CAPRIN1: variants seen among roughly 807,000 people sequenced by gnomAD.
CAPRIN1 encodes the protein caprin-1.
A neutral mutation model predicts 100.9 loss-of-function variants in CAPRIN1; 29 were observed. The ratio of observed to expected loss-of-function variants is 0.29; its 90% CI spans 0.21 to 0.39. The LOEUF is 0.39. Ranked by LOEUF, CAPRIN1 falls within the 10% of genes least tolerant of loss-of-function variation. CAPRIN1 has a pLI of 1.00. For synonymous variants in CAPRIN1, 338 were observed against 307.5 expected (o/e 1.10, Z -1.04); for missense variants, 795 against 876.7 (o/e 0.91, Z 1.18).
chr11:34,058,484 G>A lies in CAPRIN1; in HGVS notation c.216+5848G>A, dbSNP rs543148969. Among the ~76,000 whole-genome samples the A allele has an allele frequency of 9.8e-5, 15 of 152,288 alleles. 1 individual carries two copies. In the South Asian group the frequency reaches 2.1e-3, roughly 21 times the overall value. ...GTAATTAGAATTTGTAATGTTCCACGGCCTAAGTGTAGTTTTCATGTTTAA... is the reference window on the plus strand; with the variant it reads ...GTAATTAGAATTTGTAATGTTCCACAGCCTAAGTGTAGTTTTCATGTTTAA... On this transcript the variant is annotated intron_variant, in intron 2 of 18. Transcript: ENST00000341394.
intron 2 of CAPRIN1, among the ~76,000 whole-genome samples, chr11:34,057,820 G>T (rs111477070): frequency 0.1 from 15,549 of 152,098 alleles, 858 homozygotes; most frequent in African/African-American, 0.15. Flanking sequence ...CCAGGTTCAA[G>T]CTATTCTCCT....
At chr11:34,062,187 G>A (rs1041781900) in intron 2 of CAPRIN1, among the ~76,000 whole-genome samples, 1 of 152,068 alleles carries the variant, frequency 6.6e-6, no homozygotes, top group African/African-American at 2.4e-5. Flanking sequence ...GATTTCACTA[G>A]CTAACAATAC....
intron 15 of CAPRIN1, among the ~76,000 whole-genome samples, chr11:34,094,768 A>AC (rs1283920811): frequency 1.3e-5 from 2 of 152,230 alleles, no homozygotes; most frequent in Non-Finnish European, 2.9e-5. Flanking sequence ...CTGAACTCCA[A>AC]CCTCAGCAGT....
At chr11:34,086,465 C>G (rs757098380) in intron 11 of CAPRIN1, 52 bp downstream of exon 11, 3 of 1,056,974 alleles carry the variant, frequency 2.8e-6, no homozygotes, top group African/African-American at 3.2e-5. Flanking sequence ...CCAGTACTTT[C>G]AGGTTTTAAA....
intron 16 of CAPRIN1, 92 bp downstream of exon 16, chr11:34,096,765 AT>A: frequency 1.1e-6 from 1 of 880,194 alleles, no homozygotes; most frequent in Non-Finnish European, 1.7e-6. Flanking sequence ...TTTGGGAAGG[AT>A]GTATCTGCAT....
intron 6 of CAPRIN1, among the ~76,000 whole-genome samples, chr11:34,078,468 T>C (rs1041300322): frequency 2.0e-5 from 3 of 152,224 alleles, no homozygotes; most frequent in Non-Finnish European, 4.4e-5. Context: ...TGATAGTTTT[T>C]GTTTGTTTTT....
At chr11:34,069,951 C>T (rs1284753429) in intron 2 of CAPRIN1, among the ~76,000 whole-genome samples, 2 of 149,592 alleles carry the variant, frequency 1.3e-5, no homozygotes, top group African/African-American at 4.9e-5. Flanking sequence ...ATTACCATTG[C>T]TTTTAAACTG....
intron 2 of CAPRIN1, among the ~76,000 whole-genome samples, chr11:34,068,681 T>G (rs1160835724): frequency 6.6e-6 from 1 of 152,234 alleles, no homozygotes; most frequent in Non-Finnish European, 1.5e-5. Context: ...ATTGTTTTCA[T>G]TAAACAAACT....
At chr11:34,093,204 A>AT (rs1015603114) in intron 15 of CAPRIN1, among the ~76,000 whole-genome samples, 31 of 151,064 alleles carry the variant, frequency 2.1e-4, no homozygotes, top group African/African-American at 5.8e-4. Context: ...TTATATATAT[A>AT]TTTTTTTAAG....
chr11:34,060,394 C>T (rs1051167722), intron 2 of CAPRIN1, among the ~76,000 whole-genome samples: 5 of 152,018 alleles, frequency 3.3e-5, no homozygotes, highest in Non-Finnish European at 7.4e-5. Context: ...GGCTGGAGTT[C>T]AGCAGGGCAA....
chr11:34,057,935 G>T (rs1850488278), intron 2 of CAPRIN1, among the ~76,000 whole-genome samples: 1 of 151,572 alleles, frequency 6.6e-6, no homozygotes, highest in Non-Finnish European at 1.5e-5. Context: ...GGCCAGGCTG[G>T]TCTCAAAACG....
At chr11:34,094,830 A>G (rs1851337155) in intron 15 of CAPRIN1, among the ~76,000 whole-genome samples, 1 of 151,906 alleles carries the variant, frequency 6.6e-6, no homozygotes, top group African/African-American at 2.4e-5. Flanking sequence ...AAATAAAATA[A>G]AGATCACACT....
intron 4 of CAPRIN1, among the ~76,000 whole-genome samples, chr11:34,074,887 A>C (rs1290875326): frequency 6.6e-6 from 1 of 152,028 alleles, no homozygotes; most frequent in East Asian, 1.9e-4. Context: ...CAAACAAAAA[A>C]CACCTTCCTG....
chr11:34,072,064 A>G (rs977048810), intron 4 of CAPRIN1, 77 bp downstream of exon 4: 39 of 891,070 alleles, frequency 4.4e-5, no homozygotes, highest in Middle Eastern at 3.3e-4. Context: ...ATTACTATTG[A>G]TAAGCTCTCT....
rs780353267 is a variant in CAPRIN1, at chr11:34,090,198, C to G, written c.1313C>G (p.Thr438Arg). 1 of 1,611,874 alleles carries G rather than the reference C, an allele frequency of 6.2e-7. No individual in the cohort carries two copies. The highest frequency in any genetic ancestry group is 8.5e-7 in the Non-Finnish European group (1 of 1,178,094). The change falls in exon 13 of 19, where the codon ACA becomes AGA. Residue 438 changes from threonine (T) to arginine (R), a missense_variant. Around this residue, in one of 3 missense-constraint regions of CAPRIN1, gnomAD observed 648 missense variants for 697.9 expected, o/e 0.93. Coordinates refer to ENST00000341394, the MANE Select transcript of CAPRIN1 (RefSeq NM_005898.5). The stretch of plus-strand genomic sequence containing the variant: ...GTCTAGGTTCCTTTGGTATCATCCA[C>G]AAGTGAGGGGTACACAGCATCTCAA... ...EATQVPLVSS[T>R]SEGYTASQPL...
Position 34,092,642 on chromosome 11 carries a change from G to C in CAPRIN1, c.1705+586G>C, listed in dbSNP as rs1851285311. ...CCCAAAGTGCTGGAATTAAAGGCGT[G>C]AGCCATTGCACCTGGTGATAAACTA... On this transcript the variant is annotated intron_variant, in intron 15 of 18. Coordinates refer to ENST00000341394, the MANE Select transcript of CAPRIN1 (RefSeq NM_005898.5). 2.6e-5 allele frequency among the ~76,000 whole-genome samples: 4 copies of C among 152,126 alleles called. No homozygotes were observed. In the South Asian group the frequency reaches 8.3e-4, roughly 31 times the overall value.
Position 34,100,531 on chromosome 11 carries a change from A to G in CAPRIN1, c.*1164A>G, listed in dbSNP as rs1851438354. 6.6e-6 allele frequency: 1 copy of G among 152,210 alleles called. No homozygotes were observed. Among genetic ancestry groups the G allele is most frequent in the Admixed American group, 6.5e-5 (1 of 15,278 alleles). The allele number at this position is 152,210 out of a possible 1,614,324, so 9.4% of individuals were successfully genotyped here. ...TTGTATCTTGAAACACTGGTGTTCA[A>G]CAGCTAGCAGCTTATGTGATTCACC... On this transcript the variant is annotated 3_prime_UTR_variant, in exon 19 of 19. Transcript: ENST00000341394.
chr11:34,094,814 A>G (rs767618645), intron 15 of CAPRIN1, among the ~76,000 whole-genome samples: 16 of 152,332 alleles, frequency 1.1e-4, no homozygotes, highest in Middle Eastern at 6.8e-3. Flanking sequence ...CTTAAAAGTG[A>G]AAATTAAATA....
At chr11:34,061,347 T>C (rs2004272) in intron 2 of CAPRIN1, among the ~76,000 whole-genome samples, 15,564 of 151,608 alleles carry the variant, frequency 0.1, 868 homozygotes, top group African/African-American at 0.15. Flanking sequence ...GCTGGTATTA[T>C]AGGCAACCAC....
Sources: gnomAD v4.1 joint callset for allele counts (sites outside exome capture counted in the v4.1 genomes callset) on GRCh38, gnomAD v4.1.1 for gene constraint, gnomAD v4.1.1 regional missense constraint, MANE v1.5 for transcripts, NCBI Gene and HGNC (gene_info 2026-07-23, HGNC 2026-07-21) for gene names.